The following GNAT3 variants were observed in gnomAD, a reference collection of about 807,000 sequenced individuals.
GNAT3 encodes G protein subunit alpha transducin 3, also known as guanine nucleotide-binding protein G(t) subunit alpha-3.
In GNAT3, 31 loss-of-function variants were observed where a neutral mutation model predicts 37.7. The ratio of observed to expected loss-of-function variants is 0.82; its 90% CI spans 0.62 to 1.11. The LOEUF (loss-of-function observed/expected upper bound fraction) is 1.11, where lower values mean the gene tolerates loss of function less well. Ranked by LOEUF, GNAT3 falls within the 50% of genes most tolerant of loss-of-function variation. The pLI is 0.00. For missense variants in GNAT3, 437 were observed against 412.5 expected (o/e 1.06, Z -0.51); for synonymous variants, 138 against 139.8 (o/e 0.99, Z 0.09).
intron 3 of GNAT3, among the ~76,000 whole-genome samples, chr7:80,485,015 CCTTT>C (rs952354081): frequency 3.3e-5 from 5 of 152,070 alleles, no homozygotes; most frequent in African/African-American, 1.2e-4. Flanking sequence ...TTAATAGTTT[CCTTT>C]CTTGACCTCT....
At chr7:80,509,413 A>G (rs1326859793) in intron 1 of GNAT3, among the ~76,000 whole-genome samples, 1 of 152,112 alleles carries the variant, frequency 6.6e-6, no homozygotes, top group Non-Finnish European at 1.5e-5. Context: ...TTTAGTGCAC[A>G]TAGTGTTGGA....
intron 1 of GNAT3, among the ~76,000 whole-genome samples, chr7:80,501,082 C>T (rs1790824522): frequency 6.6e-6 from 1 of 152,024 alleles, no homozygotes; most frequent in Non-Finnish European, 1.5e-5. Flanking sequence ...TTTTGAAATG[C>T]TCTGCCCATG....
chr7:80,494,071 T>A (rs933194461), intron 2 of GNAT3, among the ~76,000 whole-genome samples: 1 of 152,190 alleles, frequency 6.6e-6, no homozygotes, highest in African/African-American at 2.4e-5. Flanking sequence ...ATCAATTACC[T>A]TTTTATTCAG....
chr7:80,468,243 G>T (rs144237264), intron 5 of GNAT3, among the ~76,000 whole-genome samples: 1 of 151,932 alleles, frequency 6.6e-6, no homozygotes, highest in African/African-American at 2.4e-5. Context: ...TAAACAGTTG[G>T]CTAAATATTG....
intron 3 of GNAT3, chr7:80,486,414 C>G (rs1199650867): frequency 1.3e-5 from 2 of 150,750 alleles, no homozygotes; most frequent in East Asian, 3.9e-4. Context: ...TATATGTCAA[C>G]TCATTAAGAC....
At chr7:80,469,285 C>T (rs1790171981) in intron 5 of GNAT3, among the ~76,000 whole-genome samples, 1 of 152,076 alleles carries the variant, frequency 6.6e-6, no homozygotes. Flanking sequence ...CCTTAGCTCC[C>T]ATATAGTTTT....
At chr7:80,492,837 T>A (rs1453381744) in intron 2 of GNAT3, among the ~76,000 whole-genome samples, 3 of 151,624 alleles carry the variant, frequency 2.0e-5, no homozygotes, top group Non-Finnish European at 2.9e-5. Context: ...GGTAATTTTT[T>A]AAAATTATTG....
At chr7:80,499,451 C>T (rs1790793966) in intron 1 of GNAT3, among the ~76,000 whole-genome samples, 1 of 152,022 alleles carries the variant, frequency 6.6e-6, no homozygotes, top group African/African-American at 2.4e-5. Context: ...GTAGCATGAT[C>T]ATGACTCACT....
chr7:80,476,516 A>G (rs1461572987), intron 4 of GNAT3, among the ~76,000 whole-genome samples: 2 of 149,884 alleles, frequency 1.3e-5, no homozygotes, highest in East Asian at 2.0e-4. Flanking sequence ...TCTTCTTTCA[A>G]TTTGCTAGAA....
chr7:80,501,663 T>G (rs548133711), intron 1 of GNAT3, among the ~76,000 whole-genome samples: 1 of 152,086 alleles, frequency 6.6e-6, no homozygotes, highest in East Asian at 1.9e-4. Context: ...TTGTAATATT[T>G]TTGTTATTTT....
At chr7:80,461,374 C>A (rs1790046951) in intron 7 of GNAT3, among the ~76,000 whole-genome samples, 1 of 151,958 alleles carries the variant, frequency 6.6e-6, no homozygotes, top group Admixed American at 6.6e-5. Context: ...CATGGTGAAA[C>A]CCCATTACTA....
intron 1 of GNAT3, among the ~76,000 whole-genome samples, chr7:80,509,930 T>C (rs1791031972): frequency 6.6e-6 from 1 of 152,168 alleles, no homozygotes; most frequent in East Asian, 1.9e-4. Flanking sequence ...TGGTTAAATC[T>C]AGCTAATTAA....
intron 1 of GNAT3, among the ~76,000 whole-genome samples, chr7:80,511,569 A>G (rs928782638): frequency 6.6e-6 from 1 of 152,164 alleles, no homozygotes; most frequent in Non-Finnish European, 1.5e-5. Flanking sequence ...CATATTACTG[A>G]CAGAGAAATT....
chr7:80,504,510 T>G (rs1210075682), intron 1 of GNAT3, among the ~76,000 whole-genome samples: 1 of 152,168 alleles, frequency 6.6e-6, no homozygotes, highest in African/African-American at 2.4e-5. Flanking sequence ...ATAAAAACAT[T>G]TTAAAAGATA....
At position 80,501,243 on chromosome 7, in the gene GNAT3, T is replaced by C. The variant is rs530102621; in HGVS notation, c.119-6596A>G. Among the ~76,000 whole-genome samples, 4 of 152,132 alleles carry C rather than the reference T, an allele frequency of 2.6e-5. No individual in the cohort carries two copies. In the East Asian group the frequency reaches 7.7e-4, roughly 29 times the overall value. On this transcript the variant is annotated intron_variant, in intron 1 of 7. Transcript: ENST00000398291. The stretch of plus-strand genomic sequence containing the variant: ...AAAAACTTACAGAAGTTCAAGAATA[T>C]AGTGTTATGGAAGCCCGCATTTTAT...
At position 80,478,980 on chromosome 7, in the gene GNAT3, A is replaced by G. The variant is rs527289991; in HGVS notation, c.322T>C (p.Tyr108His). The change falls in exon 4 of 8, where the codon TAT becomes CAT. Residue 108 changes from tyrosine (Y) to histidine (H), a missense_variant. Transcript: ENST00000398291. ...TCTTCCAGGGTATTTGCCATTGCATAAAGTTGTCGTTGGTCCTCCTAGAAC... is the reference window on the plus strand; with the variant it reads ...TCTTCCAGGGTATTTGCCATTGCATGAAGTTGTCGTTGGTCCTCCTAGAAC... ...PRSAEDQRQL[Y>H]AMANTLEDGG... 1.6e-5 allele frequency: 26 copies of G among 1,609,686 alleles called. No individual in the cohort carries two copies. The South Asian group carries it at 2.7e-4, about 16-fold the overall frequency.
chr7:80,489,921 C>T (rs2116194655), intron 2 of GNAT3, among the ~76,000 whole-genome samples: 1 of 152,132 alleles, frequency 6.6e-6, no homozygotes, highest in East Asian at 1.9e-4. Flanking sequence ...GTTCTGATTA[C>T]TATGAGAAGA....
chr7:80,511,972 A>G lies in GNAT3; in HGVS notation c.-46T>C. On this transcript the variant is annotated 5_prime_UTR_variant, in exon 1 of 8. Transcript: ENST00000398291. ...TCAGTTTATATGTTCAGATTTTTCA[A>G]ATGTTGAGCACAGCTGTGGTTTGGA... 2 of 1,357,424 alleles carry G rather than the reference A, an allele frequency of 1.5e-6. No individual in the cohort carries two copies. Among genetic ancestry groups the G allele is most frequent in the Non-Finnish European group, 2.1e-6 (2 of 961,530 alleles). The allele number at this position is 1,357,424 out of a possible 1,614,324, so 84.1% of individuals were successfully genotyped here. A position where few individuals can be genotyped will look rare whatever the true frequency, so the allele number is the denominator to read the frequency against.
chr7:80,478,759 TTACAAATGCAAAG>T, intron 4 of GNAT3, 69 bp downstream of exon 4: 1 of 1,344,172 alleles, frequency 7.4e-7, no homozygotes, highest in Non-Finnish European at 1.0e-6. Flanking sequence ...TCATTTGAAT[TTACAAATGCAAAG>T]TATGCAGAAT....
Sources: gnomAD v4.1 joint callset for allele counts (sites outside exome capture counted in the v4.1 genomes callset) on GRCh38, gnomAD v4.1.1 for gene constraint, MANE v1.5 for transcripts, NCBI Gene and HGNC (gene_info 2026-07-23, HGNC 2026-07-21) for gene names.